MTERF1: variants seen among roughly 807,000 people sequenced by gnomAD.
MTERF1 encodes mitochondrial transcription termination factor 1.
Under a neutral mutation model 31.6 loss-of-function variants are expected in MTERF1, and 29 were observed. The observed-to-expected ratio is 0.92, with a 90% confidence interval of 0.68 to 1.25. The LOEUF (loss-of-function observed/expected upper bound fraction) is 1.25. Ranked by LOEUF, MTERF1 falls within the 50% of genes most tolerant of loss-of-function variation. The pLI is 0.00. For synonymous variants in MTERF1, 152 were observed against 164.1 expected (o/e 0.93, Z 0.57); for missense variants, 500 against 469.1 (o/e 1.07, Z -0.61).
intron 2 of MTERF1, 87 bp from the exon 3 acceptor site, chr7:91,874,851 C>T: frequency 1.1e-6 from 1 of 935,602 alleles, no homozygotes; most frequent in Non-Finnish European, 1.6e-6. Context: ...GCATCATGGT[C>T]ATTTCTATGA....
chr7:91,879,376 G>A (rs749642151), intron 2 of MTERF1, among the ~76,000 whole-genome samples: 2 of 152,094 alleles, frequency 1.3e-5, no homozygotes, highest in African/African-American at 2.4e-5. Flanking sequence ...ATAATGCCAT[G>A]TATATTAAAG....
intron 2 of MTERF1, among the ~76,000 whole-genome samples, chr7:91,877,390 A>G (rs1457556931): frequency 6.6e-6 from 1 of 152,238 alleles, no homozygotes; most frequent in Non-Finnish European, 1.5e-5. Flanking sequence ...TGTCTTGTGT[A>G]TAACTCATCC....
Position 91,874,425 on chromosome 7 carries a change from G to A in MTERF1, c.369C>T (p.Ser123=). Reference sequence around the variant, plus strand: ...TTGCTCGTGGATATCTTGATATGATGCTAGCGATCACTTCTTTGCTAGCTC... The same window carrying A: ...TTGCTCGTGGATATCTTGATATGATACTAGCGATCACTTCTTTGCTAGCTC... ...SKGASKEVIA[S]IISRYPRAIT... is the part of the protein sequence containing the mutation. The change falls in exon 3 of 3, where the codon AGC becomes AGT. Residue 123 remains serine (S), a synonymous_variant. Transcript: ENST00000351870. The A allele has an allele frequency of 1.2e-6, 2 of 1,614,060 alleles. No homozygotes were observed. The highest frequency in any genetic ancestry group is 1.7e-6 in the Non-Finnish European group (2 of 1,180,010).
chr7:91,880,236 T>C, intron 1 of MTERF1, 123 bp from the exon 2 acceptor site: 1 of 718,454 alleles, frequency 1.4e-6, no homozygotes, highest in Non-Finnish European at 2.3e-6. Context: ...GCATTACCTC[T>C]TGCAAACAAC....
In MTERF1 at chr7:91,873,823, GC is replaced by G; in HGVS notation, c.970del (p.Ala324GlnfsTer9). On this transcript the variant is annotated frameshift_variant, in exon 3 of 3. Coordinates refer to ENST00000351870, the MANE Select transcript of MTERF1 (RefSeq NM_006980.5). LOFTEE classifies it high-confidence loss of function. ...VLSYPDVIFL[A>X]EKKFNDKIDC... is the part of the protein sequence containing the mutation. The stretch of plus-strand genomic sequence containing the variant: ...TATTTTATCATTAAACTTTTTCTCT[GC>G]CAAGAAGATCACATCTGGATAGCTT... 6.2e-7 allele frequency: 1 copy of G among 1,613,984 alleles called. No homozygotes were observed. Among genetic ancestry groups the G allele is most frequent in the Non-Finnish European group, 8.5e-7 (1 of 1,180,016 alleles).
rs781002302 is a variant in MTERF1 at position 91,873,946 on chromosome 7, T to G, written c.848A>C (p.Asp283Ala). 3.7e-6 allele frequency: 6 copies of G among 1,614,016 alleles called. No homozygotes were observed. The Admixed American group carries it at 1.0e-4, about 27-fold the overall frequency. ...TCTTCTGGCATAGTCATTGGAAAGG[T>G]CTAGGATTTCAGCTCCTGGACCACA... is the stretch of plus-strand genomic sequence containing the variant. Reference protein sequence around the residue: ...LICGPGAEILDLSNDYARRSY... With the variant: ...LICGPGAEILALSNDYARRSY... Residue 283 changes from aspartate to alanine, a missense_variant, in exon 3 of 3, where the codon GAC becomes GCC. Coordinates refer to ENST00000351870, the MANE Select transcript of MTERF1 (RefSeq NM_006980.5).
At chr7:91,880,135 A>C (rs1562847555) in intron 1 of MTERF1, 22 bp from the exon 2 acceptor site, 5 of 1,578,068 alleles carry the variant, frequency 3.2e-6, no homozygotes, top group Non-Finnish European at 4.3e-6. Flanking sequence ...ACACACACAC[A>C]AAAAAAAGGC....
In MTERF1 at chr7:91,874,007, A is replaced by G. The variant is rs1562843284; in HGVS notation, c.787T>C (p.Phe263Leu). The G allele has an allele frequency of 6.2e-7, 1 of 1,614,110 alleles. No individual in the cohort carries two copies. The highest frequency in any genetic ancestry group is 8.5e-7 in the Non-Finnish European group (1 of 1,180,028). The stretch of plus-strand genomic sequence containing the variant: ...AGCAGTTCCTCACTGTTCAAATTGA[A>G]AGTTGACCGTAAGAATTCAATGTTA... Reference protein sequence around the residue: ...KANIEFLRSTFNLNSEELLVL... With the variant: ...KANIEFLRSTLNLNSEELLVL... The change falls in exon 3 of 3, where the codon TTC (phenylalanine) becomes CTC (leucine). Residue 263 changes from phenylalanine (F) to leucine (L), a missense_variant. Phe to Leu is a conservative substitution (Grantham distance 22). Coordinates refer to ENST00000351870, the MANE Select transcript of MTERF1 (RefSeq NM_006980.5).
At position 91,874,667 on chromosome 7, in the gene MTERF1, G is replaced by C. The variant is rs377191303; in HGVS notation, c.127C>G (p.Arg43Gly). ...FLFGSRCWMT[R>G]FSAENIFKSV... ...TTGAAGATGTTTTCTGCTGAAAATC[G>C]AGTCATCCAACATCTTGAACCAAAG... Residue 43 changes from arginine to glycine, a missense_variant, in exon 3 of 3, where the codon CGA becomes GGA. Coordinates refer to ENST00000351870, the MANE Select transcript of MTERF1 (RefSeq NM_006980.5). The C allele has an allele frequency of 1.2e-6, 2 of 1,613,854 alleles. No individual in the cohort carries two copies. Among genetic ancestry groups the C allele is most frequent in the Non-Finnish European group, 1.7e-6 (2 of 1,179,990 alleles).
chr7:91,872,476 T>C lies in MTERF1; in HGVS notation c.*1118A>G, dbSNP rs1176786082. 6.6e-6 allele frequency: 1 copy of C among 152,226 alleles called. No individual in the cohort carries two copies. The highest frequency in any genetic ancestry group is 1.5e-5 in the Non-Finnish European group (1 of 68,038). The allele number at this position is 152,226 out of a possible 1,614,324, so 9.4% of individuals were successfully genotyped here. A position where few individuals can be genotyped will look rare whatever the true frequency, so the allele number is the denominator to read the frequency against. On this transcript the variant is annotated 3_prime_UTR_variant, in exon 3 of 3. Coordinates refer to ENST00000351870, the MANE Select transcript of MTERF1 (RefSeq NM_006980.5). ...CCCAGATACATCACTCTAAAGCTCT[T>C]GCTTTCTAAACTATGCCATGCTTGC...
intron 1 of MTERF1, 192 bp downstream of exon 1, chr7:91,880,465 A>G (rs1415279559): frequency 4.5e-6 from 1 of 221,246 alleles, no homozygotes; most frequent in Non-Finnish European, 9.2e-6. Flanking sequence ...CGCTAGCTGA[A>G]GCATTAGGGT....
intron 2 of MTERF1, 147 bp downstream of exon 2, chr7:91,879,908 A>G: frequency 1.2e-6 from 1 of 828,828 alleles, no homozygotes; most frequent in Non-Finnish European, 1.9e-6. Context: ...CTAAAAAAAG[A>G]TTTACGTTCG....
At position 91,879,910 on chromosome 7, in the gene MTERF1, T is replaced by A. The variant is rs1183700547; in HGVS notation, c.29+145A>T. On this transcript the variant is annotated intron_variant, in intron 2 of 2. Coordinates refer to ENST00000351870, the MANE Select transcript of MTERF1 (RefSeq NM_006980.5). ...TAGTATGAGGGGTCTAAAAAAAGAT[T>A]TACGTTCGCCTCTGCCCCACAACTG... The A allele has an allele frequency of 2.5e-5, 21 of 844,802 alleles. No homozygotes were observed. The Admixed American group carries it at 5.8e-4, about 23-fold the overall frequency. 52.3% of individuals were successfully genotyped at this position (844,802 alleles called of 1,614,324 possible).
At chr7:91,875,523 G>A (rs1456987853) in intron 2 of MTERF1, among the ~76,000 whole-genome samples, 3 of 152,128 alleles carry the variant, frequency 2.0e-5, no homozygotes, top group African/African-American at 7.2e-5. Flanking sequence ...CCAAAGTGCT[G>A]GGATTACAGG....
At position 91,876,260 on chromosome 7, in the gene MTERF1, G is replaced by C. The variant is rs555890587; in HGVS notation, c.30-1496C>G. 2.6e-3 allele frequency among the ~76,000 whole-genome samples: 389 copies of C among 152,294 alleles called. 2 individuals carry two copies. The highest frequency in any genetic ancestry group is 8.8e-3 in the African/African-American group (367 of 41,556). ...AAGTGTTCTGTTATTCAACCTATCTGATGATTTGTTTCTAAGCTACTTGTG... is the reference window on the plus strand; with the variant it reads ...AAGTGTTCTGTTATTCAACCTATCTCATGATTTGTTTCTAAGCTACTTGTG... On this transcript the variant is annotated intron_variant, in intron 2 of 2. Transcript: ENST00000351870.
Position 91,873,819 on chromosome 7 carries a change from C to A in MTERF1, c.975G>T (p.Glu325Asp). 1 of 1,614,096 alleles carries A rather than the reference C, an allele frequency of 6.2e-7. No individual in the cohort carries two copies. The change falls in exon 3 of 3, where the codon GAG becomes GAT. Residue 325 changes from glutamate to aspartate, a missense_variant. Physicochemically the swap from Glu to Asp is conservative, Grantham distance 45 (BLOSUM62 2). Coordinates refer to ENST00000351870, the MANE Select transcript of MTERF1 (RefSeq NM_006980.5). ...AGTCTATTTTATCATTAAACTTTTTCTCTGCCAAGAAGATCACATCTGGAT... is the reference window on the plus strand; with the variant it reads ...AGTCTATTTTATCATTAAACTTTTTATCTGCCAAGAAGATCACATCTGGAT... ...LSYPDVIFLA[E>D]KKFNDKIDCL...
At position 91,874,413 on chromosome 7, in the gene MTERF1, T is replaced by C; in HGVS notation, c.381A>G (p.Arg127=). The change falls in exon 3 of 3, where the codon AGA becomes AGG. Residue 127 remains arginine, a synonymous_variant. Coordinates refer to ENST00000351870, the MANE Select transcript of MTERF1 (RefSeq NM_006980.5). ...SKEVIASIIS[R]YPRAITRTPE... is the part of the protein sequence containing the mutation. ...GAGTACGTGTTATTGCTCGTGGATA[T>C]CTTGATATGATGCTAGCGATCACTT... The C allele has an allele frequency of 6.2e-7, 1 of 1,614,134 alleles. No individual in the cohort carries two copies. The highest frequency in any genetic ancestry group is 1.1e-5 in the South Asian group (1 of 91,076).
chr7:91,879,906 A>G, intron 2 of MTERF1, 149 bp downstream of exon 2: 1 of 803,320 alleles, frequency 1.2e-6, no homozygotes, highest in Non-Finnish European at 2.0e-6. Flanking sequence ...GTCTAAAAAA[A>G]GATTTACGTT....
At position 91,871,509 on chromosome 7, in the gene MTERF1, G is replaced by C. The variant is rs1240355840; in HGVS notation, c.*2085C>G. The C allele has an allele frequency of 1.3e-5, 2 of 152,076 alleles. No homozygotes were observed. The highest frequency in any genetic ancestry group is 4.8e-5 in the African/African-American group (2 of 41,394). The allele number at this position is 152,076 out of a possible 1,614,324, so 9.4% of individuals were successfully genotyped here. ...CCCAATACTACTGTACCCATACAAT[G>C]GAATATTACTTGCCAAAAAAAATGA... On this transcript the variant is annotated 3_prime_UTR_variant, in exon 3 of 3. Transcript: ENST00000351870.
Sources: gnomAD v4.1 joint callset for allele counts (sites outside exome capture counted in the v4.1 genomes callset) on GRCh38, gnomAD v4.1.1 for gene constraint, MANE v1.5 for transcripts, NCBI Gene and HGNC (gene_info 2026-07-23, HGNC 2026-07-21) for gene names.